Variants in BRINP3 observed in about 807,000 individuals in gnomAD.
BRINP3 encodes the protein BMP/retinoic acid-inducible neural-specific protein 3.
A neutral mutation model predicts 71.0 loss-of-function variants in BRINP3; 19 were observed. The ratio of observed to expected loss-of-function variants is 0.27; its 90% CI spans 0.19 to 0.39. The LOEUF (loss-of-function observed/expected upper bound fraction) is 0.39, where lower values mean the gene tolerates loss of function less well. BRINP3 is among the 10% of genes least tolerant of loss of function. The pLI is 1.00. For missense variants in BRINP3, 959 were observed against 940.8 expected (o/e 1.02, Z -0.25); for synonymous variants, 380 against 337.7 (o/e 1.13, Z -1.37).
intron 2 of BRINP3, among the ~76,000 whole-genome samples, chr1:190,330,531 AG>A (rs1254594602): frequency 6.6e-6 from 1 of 152,036 alleles, no homozygotes; most frequent in African/African-American, 2.4e-5. Context: ...CACTGTTGGT[AG>A]GAATGTACAT....
intron 2 of BRINP3, among the ~76,000 whole-genome samples, chr1:190,404,061 A>T (rs1415255038): frequency 6.6e-6 from 1 of 152,228 alleles, no homozygotes; most frequent in African/African-American, 2.4e-5. Context: ...GTAATGTTAC[A>T]GATGACCAAA....
intron 6 of BRINP3, among the ~76,000 whole-genome samples, chr1:190,189,826 GTTGT>G (rs1193224888): frequency 6.6e-6 from 1 of 152,036 alleles, no homozygotes; most frequent in African/African-American, 2.4e-5. Context: ...GATCCTTGCG[GTTGT>G]TTGTCAATGT....
chr1:190,279,770 A>G (rs553381583), intron 3 of BRINP3, among the ~76,000 whole-genome samples: 1 of 151,906 alleles, frequency 6.6e-6, no homozygotes, highest in African/African-American at 2.4e-5. Flanking sequence ...TCAATTCTGA[A>G]TCTTTATTTG....
chr1:190,340,878 T>TATA (rs1667610175), intron 2 of BRINP3, among the ~76,000 whole-genome samples: 1 of 151,730 alleles, frequency 6.6e-6, no homozygotes, highest in African/African-American at 2.4e-5. Flanking sequence ...TGTGAGCAGA[T>TATA]ATAAGCAATG....
intron 2 of BRINP3, among the ~76,000 whole-genome samples, chr1:190,339,101 A>G (rs1294099030): frequency 6.6e-6 from 1 of 151,956 alleles, no homozygotes; most frequent in Non-Finnish European, 1.5e-5. Context: ...CAGCACACAC[A>G]TAATATTGAA....
intron 2 of BRINP3, among the ~76,000 whole-genome samples, chr1:190,297,779 C>CGTGTGT (rs58341057): frequency 0.072 from 10,525 of 146,656 alleles, 450 homozygotes; most frequent in Admixed American, 0.14. Context: ...TCTGTTTTCT[C>CGTGTGT]GTGTGTGTGT....
At chr1:190,396,629 T>A (rs2102333076) in intron 2 of BRINP3, among the ~76,000 whole-genome samples, 1 of 149,336 alleles carries the variant, frequency 6.7e-6, no homozygotes, top group African/African-American at 2.5e-5. Context: ...TATTGGAAAA[T>A]AAATTTTGAA....
intron 2 of BRINP3, among the ~76,000 whole-genome samples, chr1:190,316,254 C>A (rs1665873654): frequency 6.6e-6 from 1 of 152,108 alleles, no homozygotes; most frequent in African/African-American, 2.4e-5. Context: ...CTAACTCAGA[C>A]ATTCTTACAA....
chr1:190,237,746 G>T (rs1234117071), intron 4 of BRINP3, among the ~76,000 whole-genome samples: 2 of 151,718 alleles, frequency 1.3e-5, no homozygotes, highest in Admixed American at 1.3e-4. Flanking sequence ...TTGTTTCCTA[G>T]TTACATTAGG....
intron 2 of BRINP3, among the ~76,000 whole-genome samples, chr1:190,365,445 C>A (rs765267311): frequency 1.8e-4 from 27 of 150,980 alleles, no homozygotes; most frequent in Non-Finnish European, 2.9e-4. Context: ...GCTTACATTT[C>A]TTCATGGGAG....
chr1:190,418,653 T>A lies in BRINP3; in HGVS notation c.236+36002A>T, dbSNP rs368099139. ...GTCCTGAAATTAGATATATATTTTT[T>A]ATGTGAAAATCTGCAAAACAGAAAA... On this transcript the variant is annotated intron_variant, in intron 2 of 7. Transcript: ENST00000367462. 2.6e-5 allele frequency among the ~76,000 whole-genome samples: 4 copies of A among 152,286 alleles called. No homozygotes were observed. The East Asian group carries it at 5.8e-4, about 22-fold the overall frequency.
intron 2 of BRINP3, among the ~76,000 whole-genome samples, chr1:190,382,212 T>A (rs1670592532): frequency 6.6e-6 from 1 of 152,130 alleles, no homozygotes; most frequent in African/African-American, 2.4e-5. Flanking sequence ...TGTATCTACT[T>A]CCAAAGAGAC....
At chr1:190,258,926 C>T (rs1260783347) in intron 4 of BRINP3, among the ~76,000 whole-genome samples, 1 of 152,006 alleles carries the variant, frequency 6.6e-6, no homozygotes, top group Non-Finnish European at 1.5e-5. Context: ...ATCTCTTAAG[C>T]CCCTTAAGTT....
intron 7 of BRINP3, among the ~76,000 whole-genome samples, chr1:190,115,571 T>C (rs1416111122): frequency 6.6e-6 from 1 of 152,100 alleles, no homozygotes; most frequent in Non-Finnish European, 1.5e-5. Flanking sequence ...AAAAGAAATG[T>C]CCATGCCTAT....
intron 2 of BRINP3, among the ~76,000 whole-genome samples, chr1:190,383,993 T>G (rs1025548325): frequency 1.3e-5 from 2 of 151,886 alleles, no homozygotes; most frequent in Admixed American, 1.3e-4. Context: ...GATGAAAACA[T>G]TGAGACACAG....
At chr1:190,246,466 A>C (rs1659621483) in intron 4 of BRINP3, among the ~76,000 whole-genome samples, 2 of 152,016 alleles carry the variant, frequency 1.3e-5, no homozygotes, top group African/African-American at 4.8e-5. Flanking sequence ...CCATACAACC[A>C]GGTGATTGTT....
intron 2 of BRINP3, among the ~76,000 whole-genome samples, chr1:190,320,242 C>T (rs1666149683): frequency 1.3e-5 from 2 of 152,000 alleles, no homozygotes; most frequent in South Asian, 4.1e-4. Flanking sequence ...AAATAAATAT[C>T]ATCTATGCAT....
At chr1:190,406,544 C>A (rs1672295815) in intron 2 of BRINP3, among the ~76,000 whole-genome samples, 1 of 152,102 alleles carries the variant, frequency 6.6e-6, no homozygotes, top group African/African-American at 2.4e-5. Flanking sequence ...TTCTTAAGAA[C>A]TTGATACAGC....
At chr1:190,162,357 T>C (rs1382591240) in intron 6 of BRINP3, among the ~76,000 whole-genome samples, 1 of 152,014 alleles carries the variant, frequency 6.6e-6, no homozygotes, top group South Asian at 2.1e-4. Flanking sequence ...TACTTTTTTG[T>C]AATTTTTTAG....
Sources: gnomAD v4.1 joint callset for allele counts (sites outside exome capture counted in the v4.1 genomes callset) on GRCh38, gnomAD v4.1.1 for gene constraint, MANE v1.5 for transcripts, NCBI Gene and HGNC (gene_info 2026-07-23, HGNC 2026-07-21) for gene names.